ITM2B: variants seen among roughly 807,000 people sequenced by gnomAD.
The protein encoded by ITM2B is ABri/ADan amyloid peptide.
A neutral mutation model predicts 27.8 loss-of-function variants in ITM2B; 11 were observed. The ratio of observed to expected loss-of-function variants is 0.40; its 90% confidence interval spans 0.25 to 0.66. ITM2B has a LOEUF of 0.66. Among genes scored for constraint, ITM2B ranks in the 30% least tolerant of loss-of-function variants. The pLI is 0.43. For missense variants in ITM2B, 296 were observed against 328.9 expected, an observed-to-expected ratio of 0.90 and a Z score of 0.77; for synonymous variants, 114 against 114.3, an observed-to-expected ratio of 1.00 and a Z score of 0.02.
chr13:48,251,117 T>C (rs1951753528), intron 1 of ITM2B, among the ~76,000 whole-genome samples: 1 of 152,260 alleles, frequency 6.6e-6, no homozygotes. Context: ...CAAAGGTCTT[T>C]TGTGACCTGC....
At chr13:48,238,059 T>A (rs1951678640) in intron 1 of ITM2B, among the ~76,000 whole-genome samples, 1 of 152,186 alleles carries the variant, frequency 6.6e-6, no homozygotes, top group Non-Finnish European at 1.5e-5. Flanking sequence ...AATTTCTGAA[T>A]GAGGTGATTT....
At chr13:48,258,105 A>C (rs766819008) in intron 3 of ITM2B, 21 bp from the exon 4 acceptor site, 1 of 1,144,232 alleles carries the variant, frequency 8.7e-7, no homozygotes, top group African/African-American at 1.5e-5. Context: ...CTGTAACTAC[A>C]CTGTATCTTT....
At chr13:48,246,989 C>T (rs527769051) in intron 1 of ITM2B, among the ~76,000 whole-genome samples, 1 of 152,072 alleles carries the variant, frequency 6.6e-6, no homozygotes, top group Non-Finnish European at 1.5e-5. Flanking sequence ...CCACCACACC[C>T]AGCTAATTTG....
In ITM2B at chr13:48,233,237, G is replaced by T. The variant is rs1315706219; in HGVS notation, c.-124G>T. On this transcript the variant is annotated 5_prime_UTR_variant, in exon 1 of 6. Transcript: ENST00000647800. ...CGCCTCTGCCGCCGCGGAGCTTCCC[G>T]AACCTCTTCAGCCGCCCGGAGCCGC... The T allele has an allele frequency of 3.7e-6, 2 of 545,082 alleles. No homozygotes were observed. The highest frequency in any genetic ancestry group is 2.1e-5 in the African/African-American group (1 of 48,642). 33.8% of individuals were successfully genotyped at this position (545,082 alleles called of 1,614,324 possible).
In ITM2B at chr13:48,269,237, T is replaced by C. The variant is rs1486662900; in HGVS notation, c.*8013T>C. 1 of 152,166 alleles carries C rather than the reference T, an allele frequency of 6.6e-6. No individual in the cohort carries two copies. The highest frequency in any genetic ancestry group is 1.5e-5 in the Non-Finnish European group (1 of 68,036). 9.4% of individuals were successfully genotyped at this position (152,166 alleles called of 1,614,324 possible). A position where few individuals can be genotyped will look rare whatever the true frequency, so the allele number is the denominator to read the frequency against. On this transcript the variant is annotated 3_prime_UTR_variant, in exon 6 of 6. Coordinates refer to ENST00000647800, the MANE Select transcript of ITM2B (RefSeq NM_021999.5). Reference sequence around the variant, plus strand: ...ATCAGCCAATCTGGTGTGCTCTACCTTCAAGATACGGATTATCCAGAATTC... The same window carrying C: ...ATCAGCCAATCTGGTGTGCTCTACCCTCAAGATACGGATTATCCAGAATTC...
intron 1 of ITM2B, among the ~76,000 whole-genome samples, chr13:48,236,997 G>T (rs1951672302): frequency 6.6e-6 from 1 of 152,170 alleles, no homozygotes; most frequent in South Asian, 2.1e-4. Flanking sequence ...TAAAAGTTTT[G>T]AGTTACCCAT....
chr13:48,257,580 A>G (rs1280248367), intron 3 of ITM2B, among the ~76,000 whole-genome samples: 1 of 152,180 alleles, frequency 6.6e-6, no homozygotes, highest in Non-Finnish European at 1.5e-5. Flanking sequence ...GTAAATAATA[A>G]TAGTTAACAC....
chr13:48,259,010 G>A lies in ITM2B; in HGVS notation c.715+63G>A, dbSNP rs901567092. The A allele has an allele frequency of 3.5e-5, 44 of 1,243,702 alleles. 1 individual carries two copies. Among genetic ancestry groups the A allele is most frequent in the Non-Finnish European group, 4.2e-5 (36 of 867,242 alleles). The allele number at this position is 1,243,702 out of a possible 1,614,324, so 77.0% of individuals were successfully genotyped here. On this transcript the variant is annotated intron_variant, in intron 5 of 5. Transcript: ENST00000647800. ...GTTCATTGCATTAAACTAGATTTAG[G>A]TGAAGCCTAGTCATTGTTACCAATA...
In ITM2B at chr13:48,254,044, G is replaced by C. The variant is rs187281272; in HGVS notation, c.246+108G>C. 59 of 1,052,462 alleles carry C rather than the reference G, an allele frequency of 5.6e-5. No individual in the cohort carries two copies. In the East Asian group the frequency reaches 1.4e-3, roughly 25 times the overall value. 65.2% of individuals were successfully genotyped at this position (1,052,462 alleles called of 1,614,324 possible). Reference sequence around the variant, plus strand: ...TGCGCTAAGCTTGTACTTTTTATCTGTGACCTTCAGCCAGAGTGGTAGTTC... The same window carrying C: ...TGCGCTAAGCTTGTACTTTTTATCTCTGACCTTCAGCCAGAGTGGTAGTTC... On this transcript the variant is annotated intron_variant, in intron 2 of 5. Transcript: ENST00000647800.
In ITM2B at chr13:48,258,852, A is replaced by G; in HGVS notation, c.620A>G (p.Asp207Gly). ...YLIHEHMVITDRIENIDHLGF... is the reference protein window; with the variant it reads ...YLIHEHMVITGRIENIDHLGF... ...ATTCATGAGCACATGGTTATTACTG[A>G]TCGCATTGAAAACATTGATCACCTG... The change falls in exon 5 of 6, where the codon GAT becomes GGT. Residue 207 changes from aspartate to glycine, a missense_variant. Transcript: ENST00000647800. 2.5e-6 allele frequency: 4 copies of G among 1,613,656 alleles called. No homozygotes were observed. The highest frequency in any genetic ancestry group is 3.4e-6 in the Non-Finnish European group (4 of 1,179,556).
At chr13:48,245,970 G>A (rs150892257) in intron 1 of ITM2B, among the ~76,000 whole-genome samples, 2,196 of 151,804 alleles carry the variant, frequency 0.014, 48 homozygotes, top group African/African-American at 0.048. Flanking sequence ...AGTAGAGATG[G>A]GTTTTCACCG....
intron 3 of ITM2B, among the ~76,000 whole-genome samples, chr13:48,257,261 C>T (rs548215722): frequency 2.6e-5 from 4 of 152,098 alleles, no homozygotes; most frequent in South Asian, 2.1e-4. Flanking sequence ...AACTGAAACT[C>T]GAGAAGCACA....
In ITM2B at chr13:48,259,050, G is replaced by A. The variant is rs995990240; in HGVS notation, c.715+103G>A. 7 of 759,536 alleles carry A rather than the reference G, an allele frequency of 9.2e-6. No individual in the cohort carries two copies. In the African/African-American group the frequency reaches 1.2e-4, roughly 13 times the overall value. The allele number at this position is 759,536 out of a possible 1,614,324, so 47.0% of individuals were successfully genotyped here. Reference sequence around the variant, plus strand: ...TGTTACCAATATACCTGCCATGAGTGAGGTAATATTGTGTCGTTATATAAT... The same window carrying A: ...TGTTACCAATATACCTGCCATGAGTAAGGTAATATTGTGTCGTTATATAAT... On this transcript the variant is annotated intron_variant, in intron 5 of 5. Transcript: ENST00000647800.
At chr13:48,245,491 G>A (rs956615917) in intron 1 of ITM2B, among the ~76,000 whole-genome samples, 4 of 150,816 alleles carry the variant, frequency 2.7e-5, no homozygotes, top group African/African-American at 9.7e-5. Flanking sequence ...TGATACAAAA[G>A]TGATTAAGTT....
chr13:48,238,366 A>G (rs1241103566), intron 1 of ITM2B, among the ~76,000 whole-genome samples: 5 of 152,090 alleles, frequency 3.3e-5, no homozygotes, highest in Non-Finnish European at 7.4e-5. Flanking sequence ...AGAGGAAAAA[A>G]CTTTTTGCAG....
intron 3 of ITM2B, among the ~76,000 whole-genome samples, chr13:48,257,480 A>G (rs534845601): frequency 3.0e-4 from 46 of 152,352 alleles, no homozygotes; most frequent in African/African-American, 1.0e-3. Context: ...CTTTGCAAAC[A>G]TTTCGTGCCT....
intron 1 of ITM2B, among the ~76,000 whole-genome samples, chr13:48,243,119 C>CT (rs1350147702): frequency 6.6e-6 from 1 of 151,944 alleles, no homozygotes; most frequent in East Asian, 1.9e-4. Context: ...ACAGGATGGT[C>CT]TAGAAAGATT....
chr13:48,251,267 TTAACTC>T (rs1161839555), intron 1 of ITM2B, among the ~76,000 whole-genome samples: 1 of 152,220 alleles, frequency 6.6e-6, no homozygotes, highest in Non-Finnish European at 1.5e-5. Flanking sequence ...AAAATTTCCT[TTAACTC>T]TATCTTCTGC....
chr13:48,254,494 G>A (rs1169317519), intron 2 of ITM2B, among the ~76,000 whole-genome samples: 3 of 152,118 alleles, frequency 2.0e-5, no homozygotes, highest in East Asian at 3.8e-4. Flanking sequence ...TAATCCCAGT[G>A]GGTTAAGACA....
Sources: allele counts gnomAD v4.1 joint callset (sites outside exome capture counted in the v4.1 genomes callset), GRCh38; gene constraint gnomAD v4.1.1; transcripts MANE v1.5; gene names NCBI Gene and HGNC (gene_info 2026-07-23, HGNC 2026-07-21).